Variants in CATSPER3 observed in about 807,000 individuals in gnomAD.
CATSPER3 encodes cation channel sperm-associated protein 3.
Under a neutral mutation model 36.6 loss-of-function variants are expected in CATSPER3, and 23 were observed. The observed-to-expected ratio is 0.63, with a 90% confidence interval of 0.45 to 0.89. The LOEUF (loss-of-function observed/expected upper bound fraction) is 0.89, where lower values mean the gene tolerates loss of function less well. Among genes scored for constraint, CATSPER3 ranks in the 40% least tolerant of loss-of-function variants. CATSPER3 has a pLI of 0.00. For synonymous variants in CATSPER3, 172 were observed against 184.1 expected (o/e 0.93, Z 0.53); for missense variants, 474 against 503.9 (o/e 0.94, Z 0.57).
intron 7 of CATSPER3, 124 bp downstream of exon 7, chr5:135,010,654 A>AT: frequency 3.5e-6 from 3 of 860,294 alleles, no homozygotes; most frequent in Non-Finnish European, 5.8e-6. Context: ...TGGGTGGAAC[A>AT]TGGCTTTCTT....
At chr5:134,993,518 TATAAA>T (rs543596750) in intron 2 of CATSPER3, among the ~76,000 whole-genome samples, 1 of 152,244 alleles carries the variant, frequency 6.6e-6, no homozygotes, top group Admixed American at 6.5e-5. Context: ...AGAAAATAAT[TATAAA>T]ATAAAGAACT....
intron 3 of CATSPER3, among the ~76,000 whole-genome samples, chr5:135,001,885 C>T (rs1409062902): frequency 6.6e-6 from 1 of 152,182 alleles, no homozygotes; most frequent in African/African-American, 2.4e-5. Flanking sequence ...CTCCTGAATA[C>T]AGCACACTGA....
chr5:135,008,566 T>G (rs573393186), intron 4 of CATSPER3, among the ~76,000 whole-genome samples: 1 of 152,218 alleles, frequency 6.6e-6, no homozygotes, highest in East Asian at 1.9e-4. Context: ...AAGGTGGGCC[T>G]GGCAGAGAGG....
intron 3 of CATSPER3, among the ~76,000 whole-genome samples, chr5:134,997,742 T>C (rs960964944): frequency 1.3e-5 from 2 of 152,136 alleles, no homozygotes; most frequent in African/African-American, 4.8e-5. Context: ...GGTGATCTTT[T>C]CCACTTTCCA....
intron 3 of CATSPER3, among the ~76,000 whole-genome samples, chr5:135,004,398 G>A (rs1287323207): frequency 6.6e-6 from 1 of 152,168 alleles, no homozygotes; most frequent in African/African-American, 2.4e-5. Flanking sequence ...CCCATTTTCA[G>A]GCTACAGACA....
intron 3 of CATSPER3, among the ~76,000 whole-genome samples, chr5:135,003,758 C>T (rs562476172): frequency 4.6e-5 from 7 of 152,316 alleles, no homozygotes; most frequent in South Asian, 2.1e-4. Context: ...TAGCCAGGTG[C>T]GGGATATTAA....
At chr5:135,006,575 A>G (rs1206046925) in intron 3 of CATSPER3, among the ~76,000 whole-genome samples, 10 of 152,070 alleles carry the variant, frequency 6.6e-5, no homozygotes, top group South Asian at 2.1e-4. Flanking sequence ...CGTGGCTCAC[A>G]CCTGTAATCC....
At chr5:134,988,341 G>A (rs996052630) in intron 2 of CATSPER3, among the ~76,000 whole-genome samples, 15 of 151,990 alleles carry the variant, frequency 9.9e-5, no homozygotes, top group African/African-American at 3.4e-4. Context: ...AAGACAACAA[G>A]GAAGTTTGCC....
intron 2 of CATSPER3, among the ~76,000 whole-genome samples, chr5:134,988,355 T>A (rs1241094998): frequency 6.6e-6 from 1 of 152,198 alleles, no homozygotes; most frequent in Non-Finnish European, 1.5e-5. Context: ...GTTTGCCACA[T>A]CAATTGACTC....
At chr5:134,999,072 T>A (rs776890090) in intron 3 of CATSPER3, among the ~76,000 whole-genome samples, 184 of 152,320 alleles carry the variant, frequency 1.2e-3, no homozygotes, top group Non-Finnish European at 2.2e-3. Context: ...CTTTAATCCA[T>A]CTTGAATTAA....
At chr5:134,970,983 T>C (rs1227319588) in intron 2 of CATSPER3, among the ~76,000 whole-genome samples, 1 of 151,684 alleles carries the variant, frequency 6.6e-6, no homozygotes, top group Non-Finnish European at 1.5e-5. Context: ...GAAGTCTCGC[T>C]CTGTCACCCA....
rs766309810 is a variant in CATSPER3, at chr5:134,996,276, T to C, written c.256T>C (p.Ser86Pro). The change falls in exon 3 of 8, where the codon TCG becomes CCG. Residue 86 changes from serine (S) to proline (P), a missense_variant. By Grantham distance (74) the Ser-to-Pro change is moderately conservative (BLOSUM62 -1). Coordinates refer to ENST00000282611, the MANE Select transcript of CATSPER3 (RefSeq NM_178019.3). ...CCAACCCTTGCTACCCCTGTAGTTC[T>C]CGGAGATCTTCTTTGTGTCCATCTG... ...RYRLFRLLEFSEIFFVSICTS... is the reference protein window; with the variant it reads ...RYRLFRLLEFPEIFFVSICTS... 3 of 1,614,134 alleles carry C rather than the reference T, an allele frequency of 1.9e-6. No individual in the cohort carries two copies. The highest frequency in any genetic ancestry group is 2.2e-5 in the East Asian group (1 of 44,904).
chr5:134,968,390 T>C (rs1042429054), intron 1 of CATSPER3: 32 of 376,700 alleles, frequency 8.5e-5, no homozygotes, highest in Non-Finnish European at 1.6e-4. Context: ...TATCTTGATA[T>C]ATTAGAAAAG....
intron 2 of CATSPER3, among the ~76,000 whole-genome samples, chr5:134,974,550 A>G (rs2149545526): frequency 6.6e-6 from 1 of 152,308 alleles, no homozygotes; most frequent in South Asian, 2.1e-4. Flanking sequence ...TGGCCTTGAA[A>G]TAATTTATTA....
At chr5:134,986,812 T>C (rs1039093352) in intron 2 of CATSPER3, among the ~76,000 whole-genome samples, 19 of 152,040 alleles carry the variant, frequency 1.2e-4, no homozygotes, top group Admixed American at 9.8e-4. Context: ...CAAGCGAAAT[T>C]AGAAAATATA....
chr5:135,009,522 G>A (rs766198513), intron 6 of CATSPER3, 32 bp downstream of exon 6: 1 of 1,607,486 alleles, frequency 6.2e-7, no homozygotes, highest in Non-Finnish European at 8.5e-7. Flanking sequence ...GTGGACAGAT[G>A]GGTGGATGGA....
At chr5:134,980,061 AG>A (rs922518011) in intron 2 of CATSPER3, among the ~76,000 whole-genome samples, 2 of 151,532 alleles carry the variant, frequency 1.3e-5, no homozygotes, top group African/African-American at 2.4e-5. Flanking sequence ...AGCTCACTGC[AG>A]CCTTAAACTC....
At chr5:135,007,137 G>C (rs1752099231) in intron 3 of CATSPER3, among the ~76,000 whole-genome samples, 1 of 152,166 alleles carries the variant, frequency 6.6e-6, no homozygotes, top group African/African-American at 2.4e-5. Flanking sequence ...AGTGGTTGAA[G>C]GTGGTGGCAT....
intron 2 of CATSPER3, among the ~76,000 whole-genome samples, chr5:134,975,920 A>T (rs1751667557): frequency 6.6e-6 from 1 of 152,236 alleles, no homozygotes; most frequent in African/African-American, 2.4e-5. Context: ...CTATATATAC[A>T]CAATAGAATA....
Sources: allele counts gnomAD v4.1 joint callset (sites outside exome capture counted in the v4.1 genomes callset), GRCh38; gene constraint gnomAD v4.1.1; transcripts MANE v1.5; gene names NCBI Gene and HGNC (gene_info 2026-07-23, HGNC 2026-07-21).